The following GRM8 variants were observed in gnomAD, a reference collection of about 807,000 sequenced individuals.
GRM8 encodes the protein metabotropic glutamate receptor 8.
A neutral mutation model predicts 87.2 loss-of-function variants in GRM8; 47 were observed. That is an observed-to-expected ratio of 0.54 (90% CI 0.43 to 0.69). The LOEUF (loss-of-function observed/expected upper bound fraction) is 0.69, where lower values mean the gene tolerates loss of function less well. Among genes scored for constraint, GRM8 ranks in the 30% least tolerant of loss-of-function variants. The pLI is 0.00. For synonymous variants in GRM8, 396 were observed against 404.5 expected, an observed-to-expected ratio of 0.98 and a Z score of 0.25; for missense variants, 1,019 against 1,139.2, an observed-to-expected ratio of 0.89 and a Z score of 1.52.
intron 6 of GRM8, among the ~76,000 whole-genome samples, chr7:126,781,953 C>T (rs1160745792): frequency 6.6e-6 from 1 of 152,102 alleles, no homozygotes; most frequent in Non-Finnish European, 1.5e-5. Flanking sequence ...TGGCCTCAAG[C>T]AATCTTCCCA....
intron 7 of GRM8, among the ~76,000 whole-genome samples, chr7:126,631,094 CTTTG>C (rs1263165761): frequency 6.6e-6 from 1 of 152,162 alleles, no homozygotes; most frequent in Non-Finnish European, 1.5e-5. Context: ...GTCAAATTAT[CTTTG>C]TTTGTAGATG....
intron 7 of GRM8, among the ~76,000 whole-genome samples, chr7:126,719,276 T>C (rs1202058626): frequency 6.6e-6 from 1 of 152,236 alleles, no homozygotes; most frequent in Non-Finnish European, 1.5e-5. Context: ...TTAATCGTTT[T>C]AACTTACTGA....
intron 2 of GRM8, among the ~76,000 whole-genome samples, chr7:127,234,961 A>C (rs1179770778): frequency 6.6e-6 from 1 of 152,176 alleles, no homozygotes; most frequent in African/African-American, 2.4e-5. Context: ...AAAATTTAAA[A>C]ACCTGCAGTC....
In GRM8 at chr7:126,682,160, T is replaced by G. The variant is rs2151334791; in HGVS notation, c.1358-72662A>C. On this transcript the variant is annotated intron_variant, in intron 7 of 10. Transcript: ENST00000339582. ...TTACCGTATAAATGCTTATACACGTTTATTTTCCCTTCTATACTATTTAGT... is the reference window on the plus strand; with the variant it reads ...TTACCGTATAAATGCTTATACACGTGTATTTTCCCTTCTATACTATTTAGT... Among the ~76,000 whole-genome samples the G allele has an allele frequency of 1.3e-5, 2 of 152,350 alleles. 1 individual carries two copies. Among genetic ancestry groups the G allele is most frequent in the Middle Eastern group, 6.8e-3 (2 of 294 alleles).
At chr7:127,171,308 GA>G (rs1793786341) in intron 2 of GRM8, among the ~76,000 whole-genome samples, 1 of 152,168 alleles carries the variant, frequency 6.6e-6, no homozygotes, top group Non-Finnish European at 1.5e-5. Context: ...TTATTGAAAT[GA>G]CAACAAAGGA....
chr7:126,551,155 C>T (rs1317026557), intron 8 of GRM8, among the ~76,000 whole-genome samples: 1 of 152,036 alleles, frequency 6.6e-6, no homozygotes, highest in East Asian at 1.9e-4. Flanking sequence ...CTTTTTCTTT[C>T]TTCACCATAC....
Position 127,209,055 on chromosome 7 carries a change from G to A in GRM8, c.510+33640C>T, listed in dbSNP as rs28952004. ...GAAGTTCTGCTTGGTGCTGCTGCAC[G>A]GCTGCAAGAACCAAGGGCCAGCCAA... is the stretch of plus-strand genomic sequence containing the variant. On this transcript the variant is annotated intron_variant, in intron 2 of 10. Transcript: ENST00000339582. Among the ~76,000 whole-genome samples the A allele has an allele frequency of 1.5e-4, 23 of 152,270 alleles. No individual in the cohort carries two copies. In the East Asian group the frequency reaches 4.2e-3, roughly 28 times the overall value.
rs1307561994 is a variant in GRM8 at position 126,986,892 on chromosome 7, C to A, written c.728-82209G>T. Among the ~76,000 whole-genome samples the A allele has an allele frequency of 7.9e-5, 12 of 152,290 alleles. No individual in the cohort carries two copies. The South Asian group carries it at 2.5e-3, about 32-fold the overall frequency. On this transcript the variant is annotated intron_variant, in intron 3 of 10. Transcript: ENST00000339582. ...TTGATATAGCACTTGCTACATCAGG[C>A]AATGTTTCAAGCTTTTTTAATAAAT...
At chr7:127,064,979 C>T (rs1301628271) in intron 3 of GRM8, among the ~76,000 whole-genome samples, 4 of 152,160 alleles carry the variant, frequency 2.6e-5, no homozygotes, top group Non-Finnish European at 4.4e-5. Flanking sequence ...GAGCTAAAAG[C>T]AGAACTACCA....
chr7:126,441,264 A>C (rs888500120), intron 10 of GRM8, among the ~76,000 whole-genome samples: 1 of 152,098 alleles, frequency 6.6e-6, no homozygotes, highest in Non-Finnish European at 1.5e-5. Context: ...GTTTCATCAA[A>C]AGGAGACAAA....
intron 5 of GRM8, among the ~76,000 whole-genome samples, chr7:126,903,565 T>TACAC (rs35182354): frequency 0.052 from 6,207 of 118,532 alleles, 377 homozygotes; most frequent in Non-Finnish European, 0.075. Context: ...CCTAAATACA[T>TACAC]ACACACACAC....
intron 7 of GRM8, among the ~76,000 whole-genome samples, chr7:126,610,861 G>T (rs1273809607): frequency 2.0e-5 from 3 of 152,114 alleles, no homozygotes; most frequent in Admixed American, 2.0e-4. Context: ...CAGACATCTG[G>T]TATCATCAGG....
At chr7:126,896,373 A>C (rs1301282826) in intron 6 of GRM8, among the ~76,000 whole-genome samples, 3 of 152,028 alleles carry the variant, frequency 2.0e-5, no homozygotes, top group African/African-American at 4.8e-5. Flanking sequence ...GTTTTACTCT[A>C]GGCAAGGGGA....
intron 9 of GRM8, among the ~76,000 whole-genome samples, chr7:126,476,800 G>A (rs1805965053): frequency 6.6e-6 from 1 of 151,706 alleles, no homozygotes; most frequent in Non-Finnish European, 1.5e-5. Flanking sequence ...TCATAGGGAT[G>A]TAAATTGTTA....
chr7:126,688,233 G>A (rs1808387298), intron 7 of GRM8, among the ~76,000 whole-genome samples: 1 of 152,190 alleles, frequency 6.6e-6, no homozygotes, highest in African/African-American at 2.4e-5. Context: ...TTAAATGTAG[G>A]AGGGATGAGA....
At chr7:127,124,581 T>C (rs888841345) in intron 2 of GRM8, among the ~76,000 whole-genome samples, 1 of 152,190 alleles carries the variant, frequency 6.6e-6, no homozygotes, top group African/African-American at 2.4e-5. Flanking sequence ...ATGACTTTGA[T>C]CACTGTCAGT....
chr7:127,083,720 C>T (rs1823126792), intron 3 of GRM8, among the ~76,000 whole-genome samples: 1 of 152,066 alleles, frequency 6.6e-6, no homozygotes. Flanking sequence ...TTTGCAAATG[C>T]TGCCCCCCTC....
chr7:126,874,349 T>C (rs1799364652), intron 6 of GRM8, among the ~76,000 whole-genome samples: 1 of 152,104 alleles, frequency 6.6e-6, no homozygotes, highest in East Asian at 1.9e-4. Flanking sequence ...TCATCAAATA[T>C]GGAATTCATC....
In GRM8 at chr7:126,908,518, C is replaced by T. The variant is rs193149697; in HGVS notation, c.728-3835G>A. Among the ~76,000 whole-genome samples the T allele has an allele frequency of 1.4e-3, 209 of 152,278 alleles. 1 individual carries two copies. Among genetic ancestry groups the T allele is most frequent in the African/African-American group, 5.0e-3 (206 of 41,554 alleles). Reference sequence around the variant, plus strand: ...GATTACTTAAGCATCCCATTAAAGACATGTTATATGCTGAGTATCATTCTG... The same window carrying T: ...GATTACTTAAGCATCCCATTAAAGATATGTTATATGCTGAGTATCATTCTG... On this transcript the variant is annotated intron_variant, in intron 3 of 10. Transcript: ENST00000339582.
Sources: gnomAD v4.1 joint callset for allele counts (sites outside exome capture counted in the v4.1 genomes callset) on GRCh38, gnomAD v4.1.1 for gene constraint, MANE v1.5 for transcripts, NCBI Gene and HGNC (gene_info 2026-07-23, HGNC 2026-07-21) for gene names.